The following DGKB variants were observed in gnomAD, a reference collection of about 807,000 sequenced individuals.
DGKB encodes the protein 90 kDa diacylglycerol kinase.
Under a neutral mutation model 114.3 loss-of-function variants are expected in DGKB, and 67 were observed. The ratio of observed to expected loss-of-function variants is 0.59; its 90% CI spans 0.48 to 0.72. DGKB has a LOEUF of 0.72. Ranked by LOEUF, DGKB falls within the 30% of genes least tolerant of loss-of-function variation. The pLI, the probability that DGKB is intolerant of heterozygous loss-of-function variation, is 0.00. For synonymous variants in DGKB, 398 were observed against 323.1 expected (o/e 1.23, Z -2.49); for missense variants, 907 against 975.2 (o/e 0.93, Z 0.93).
In DGKB at chr7:14,718,671, T is replaced by C. The variant is rs771227349; in HGVS notation, c.337A>G (p.Lys113Glu). 1 of 1,608,892 alleles carries C rather than the reference T, an allele frequency of 6.2e-7. No homozygotes were observed. The highest frequency in any genetic ancestry group is 1.7e-5 in the Admixed American group (1 of 58,826). Residue 113 changes from lysine (K) to glutamate (E), a missense_variant, in exon 6 of 26, where the codon AAA becomes GAA. By Grantham distance (56) the Lys-to-Glu change is moderately conservative. This residue lies in a region of DGKB where 814 missense variants were observed against 856.6 expected (regional missense o/e 0.95). Coordinates refer to ENST00000402815, the MANE Select transcript of DGKB (RefSeq NM_001350709.2). The part of the protein sequence containing the change: ...ALLSGGLRMN[K>E]GAITPPRTTS... The stretch of plus-strand genomic sequence containing the variant: ...GTCCGGGGAGGGGTGATGGCACCTT[T>C]ATTCATTCTCAGACCTGGAAAAAAA...
At chr7:14,382,030 A>G (rs967231385) in intron 21 of DGKB, among the ~76,000 whole-genome samples, 1 of 152,204 alleles carries the variant, frequency 6.6e-6, no homozygotes, top group African/African-American at 2.4e-5. Flanking sequence ...CATGAATTCA[A>G]GTTCAGTTAT....
intron 4 of DGKB, among the ~76,000 whole-genome samples, chr7:14,749,878 G>T (rs767988554): frequency 3.9e-5 from 6 of 152,078 alleles, no homozygotes; most frequent in African/African-American, 1.4e-4. Flanking sequence ...ATCTCCACAG[G>T]GGGTTTTTAT....
chr7:14,502,685 G>A (rs1447618353), intron 20 of DGKB, among the ~76,000 whole-genome samples: 2 of 152,042 alleles, frequency 1.3e-5, no homozygotes, highest in Non-Finnish European at 1.5e-5. Context: ...AACTTAAATT[G>A]AGGCCTGATT....
At chr7:14,726,831 TC>T (rs1163768587) in intron 5 of DGKB, among the ~76,000 whole-genome samples, 1 of 152,206 alleles carries the variant, frequency 6.6e-6, no homozygotes, top group East Asian at 1.9e-4. Flanking sequence ...CAATAAATAT[TC>T]AGGACCCTTA....
rs368229403 is a variant in DGKB, at chr7:14,299,913, C to CA, written c.2122+38601dup. Among the ~76,000 whole-genome samples, 487 of 149,502 alleles carry CA rather than the reference C, an allele frequency of 3.3e-3. 2 individuals are homozygous for CA. The highest frequency in any genetic ancestry group is 0.01 in the Middle Eastern group (3 of 292). Reference sequence around the variant, plus strand: ...AAAACCTTTAAAGTAAAGCAAAACACAAAAAAAATACAAAAAAGCAAAAAC... The same window carrying CA: ...AAAACCTTTAAAGTAAAGCAAAACACAAAAAAAAATACAAAAAAGCAAAAAC... On this transcript the variant is annotated intron_variant, in intron 23 of 25. Transcript: ENST00000402815.
intron 8 of DGKB, among the ~76,000 whole-genome samples, chr7:14,697,454 T>C (rs1205095971): frequency 6.6e-6 from 1 of 152,130 alleles, no homozygotes; most frequent in Non-Finnish European, 1.5e-5. Context: ...CAGGACCTTC[T>C]GCTTATCCAC....
chr7:14,383,858 G>A (rs77317587), intron 21 of DGKB, among the ~76,000 whole-genome samples: 3 of 152,200 alleles, frequency 2.0e-5, no homozygotes, highest in Non-Finnish European at 4.4e-5. Context: ...AATAGTAAGC[G>A]AGAAAGAGAG....
intron 17 of DGKB, among the ~76,000 whole-genome samples, chr7:14,585,852 C>T (rs1166692876): frequency 6.6e-6 from 1 of 152,010 alleles, no homozygotes; most frequent in Non-Finnish European, 1.5e-5. Context: ...ATAGTAATTG[C>T]TTTGAGGTGC....
At chr7:14,761,538 G>T (rs1408621119) in intron 2 of DGKB, among the ~76,000 whole-genome samples, 2 of 152,164 alleles carry the variant, frequency 1.3e-5, no homozygotes, top group Non-Finnish European at 2.9e-5. Flanking sequence ...AAACTACACT[G>T]GGGCAGTGGA....
chr7:14,805,269 G>A (rs188228933), intron 2 of DGKB, among the ~76,000 whole-genome samples: 1 of 152,066 alleles, frequency 6.6e-6, no homozygotes, highest in African/African-American at 2.4e-5. Flanking sequence ...AGAGAATTGT[G>A]CAATATGCCA....
intron 13 of DGKB, among the ~76,000 whole-genome samples, chr7:14,670,512 CA>C (rs554780514): frequency 1.4e-3 from 206 of 151,996 alleles, no homozygotes; most frequent in Non-Finnish European, 2.5e-3. Flanking sequence ...CCATGTTGGC[CA>C]GGGGGGGTCT....
chr7:14,919,083 C>CACACACACAA lies in DGKB; in HGVS notation c.-188+55612_-188+55613insTTGTGTGTGT, dbSNP rs1554345149. On this transcript the variant is annotated intron_variant, in intron 1 of 4. Coordinates refer to the DGKB transcript ENST00000437998. ...ACACGCACACACACACACACACACA[C>CACACACACAA]ACACACACACAAACACACACACACA... 3.3e-3 allele frequency among the ~76,000 whole-genome samples: 430 copies of CACACACACAA among 129,854 alleles called. 1 individual carries two copies. Among genetic ancestry groups the CACACACACAA allele is most frequent in the African/African-American group, 0.012 (409 of 33,696 alleles). 85.2% of individuals were successfully genotyped at this position (129,854 alleles called of 152,430 possible).
At chr7:14,685,429 T>C (rs1301982228) in intron 9 of DGKB, 67 bp from the exon 10 acceptor site, 8 of 1,187,370 alleles carry the variant, frequency 6.7e-6, no homozygotes, top group Middle Eastern at 1.9e-4. Context: ...TAAGTGCCAA[T>C]GAAATTCAGA....
chr7:14,729,462 A>G (rs889217452), intron 5 of DGKB, among the ~76,000 whole-genome samples: 1 of 152,238 alleles, frequency 6.6e-6, no homozygotes, highest in African/African-American at 2.4e-5. Context: ...ATATCAATTT[A>G]TAAGTGATGA....
chr7:14,244,505 AG>A (rs1327957195), intron 23 of DGKB, among the ~76,000 whole-genome samples: 1 of 98,518 alleles, frequency 1.0e-5, no homozygotes, highest in Non-Finnish European at 2.1e-5. Context: ...AAGTACAAAA[AG>A]AAAAAAAAAG....
chr7:14,279,213 C>T (rs149230843), intron 23 of DGKB, among the ~76,000 whole-genome samples: 10,113 of 151,308 alleles, frequency 0.067, 1,100 homozygotes, highest in African/African-American at 0.23. Flanking sequence ...ATATCCCGCA[C>T]GTGGCTCGGA....
chr7:14,188,435 C>A (rs1052243323), intron 23 of DGKB, among the ~76,000 whole-genome samples: 1 of 120,244 alleles, frequency 8.3e-6, no homozygotes, highest in South Asian at 2.4e-4. Flanking sequence ...CCGAGGCGGG[C>A]GGATCACGAG....
intron 13 of DGKB, among the ~76,000 whole-genome samples, chr7:14,660,275 T>C (rs537111858): frequency 0.014 from 2,053 of 151,952 alleles, 40 homozygotes; most frequent in African/African-American, 0.047. Context: ...ATTCCCTCTT[T>C]TTCTATTGAT....
chr7:14,485,907 A>AT (rs1288879256), intron 20 of DGKB, among the ~76,000 whole-genome samples: 1 of 151,506 alleles, frequency 6.6e-6, no homozygotes, highest in Non-Finnish European at 1.5e-5. Context: ...AAAAAAAAAA[A>AT]TAGGGACACC....
Sources: gnomAD v4.1 joint callset for allele counts (sites outside exome capture counted in the v4.1 genomes callset) on GRCh38, gnomAD v4.1.1 for gene constraint, gnomAD v4.1.1 regional missense constraint, MANE v1.5 for transcripts, NCBI Gene and HGNC (gene_info 2026-07-23, HGNC 2026-07-21) for gene names.